The following NRXN1 variants were observed in gnomAD, a reference collection of about 807,000 sequenced individuals.
NRXN1 encodes neurexin-1.
In NRXN1, 39 loss-of-function variants were observed where a neutral mutation model predicts 150.9. That is an observed-to-expected ratio of 0.26 (90% confidence interval 0.20 to 0.34). NRXN1 has a LOEUF of 0.34. NRXN1 is among the 10% of genes least tolerant of loss of function. The pLI is 1.00. For missense variants in NRXN1, 1,815 were observed against 1,949.9 expected (o/e 0.93, Z 1.30); for synonymous variants, 924 against 757.0 (o/e 1.22, Z -3.62).
intron 21 of NRXN1, among the ~76,000 whole-genome samples, chr2:50,019,577 G>A (rs1687175413): frequency 7.1e-6 from 1 of 140,352 alleles, no homozygotes; most frequent in Admixed American, 7.4e-5. Flanking sequence ...GGGAGGCTGA[G>A]GTTGCAGTGA....
intron 5 of NRXN1, among the ~76,000 whole-genome samples, chr2:50,905,280 T>C (rs955427088): frequency 1.4e-4 from 22 of 152,080 alleles, no homozygotes; most frequent in African/African-American, 5.3e-4. Context: ...TCCCCAACCC[T>C]CTGACACACA....
intron 22 of NRXN1, among the ~76,000 whole-genome samples, chr2:49,932,444 C>T (rs1259855108): frequency 1.3e-5 from 2 of 152,056 alleles, no homozygotes; most frequent in African/African-American, 4.8e-5. Context: ...TTCTTCTTAT[C>T]CTTTCCTTTC....
Position 50,219,814 on chromosome 2 carries a change from G to A in NRXN1, c.3546+16975C>T, listed in dbSNP as rs547021648. Among the ~76,000 whole-genome samples the A allele has an allele frequency of 5.4e-5, 8 of 147,824 alleles. No homozygotes were observed. The South Asian group carries it at 1.1e-3, about 20-fold the overall frequency. ...AAGGCGAGAAGATTGCTTGAGCCTC[G>A]GGAGTGTCGAGGCTTCAGTGAGCTA... On this transcript the variant is annotated intron_variant, in intron 18 of 22. Transcript: ENST00000401669.
intron 18 of NRXN1, among the ~76,000 whole-genome samples, chr2:50,117,748 C>A (rs1363807892): frequency 1.3e-5 from 2 of 150,056 alleles, no homozygotes; most frequent in Non-Finnish European, 3.0e-5. Context: ...ATTCAGTGAG[C>A]CAAATCATAA....
chr2:50,247,162 G>T (rs1171808034), intron 17 of NRXN1, among the ~76,000 whole-genome samples: 1 of 152,006 alleles, frequency 6.6e-6, no homozygotes, highest in African/African-American at 2.4e-5. Context: ...CTCAGATAAG[G>T]ACACAGATTG....
chr2:50,735,214 A>G (rs1002033934), intron 5 of NRXN1, among the ~76,000 whole-genome samples: 4 of 151,684 alleles, frequency 2.6e-5, no homozygotes, highest in African/African-American at 9.8e-5. Context: ...CTCTCTGGAT[A>G]CCTTTATAAT....
intron 5 of NRXN1, among the ~76,000 whole-genome samples, chr2:50,799,089 ATCTATC>A: frequency 6.6e-6 from 1 of 152,354 alleles, no homozygotes; most frequent in East Asian, 1.9e-4. Context: ...TGTATCTACC[ATCTATC>A]TCAGTATCCT....
intron 5 of NRXN1, among the ~76,000 whole-genome samples, chr2:50,645,526 G>T (rs943610692): frequency 6.6e-6 from 1 of 151,846 alleles, no homozygotes; most frequent in Admixed American, 6.6e-5. Flanking sequence ...CTCCATGAAG[G>T]CAGGGACTTT....
intron 19 of NRXN1, among the ~76,000 whole-genome samples, chr2:50,059,568 C>A (rs780169945): frequency 6.6e-6 from 1 of 152,114 alleles, no homozygotes; most frequent in Non-Finnish European, 1.5e-5. Flanking sequence ...AGGTTAACTG[C>A]CAGGACAACG....
intron 17 of NRXN1, among the ~76,000 whole-genome samples, chr2:50,449,404 T>A (rs2086755353): frequency 6.6e-6 from 1 of 152,240 alleles, no homozygotes; most frequent in Non-Finnish European, 1.5e-5. Flanking sequence ...TTCCCTCATT[T>A]CCTTAAGTCG....
intron 2 of NRXN1, among the ~76,000 whole-genome samples, chr2:51,013,120 A>T (rs894799361): frequency 3.9e-5 from 6 of 152,056 alleles, no homozygotes; most frequent in Non-Finnish European, 5.9e-5. Context: ...GATACCCTGG[A>T]GATGGCAAAG....
chr2:50,825,662 G>A (rs1393371261), intron 5 of NRXN1, among the ~76,000 whole-genome samples: 1 of 152,168 alleles, frequency 6.6e-6, no homozygotes, highest in East Asian at 1.9e-4. Context: ...CAAGCCAAAT[G>A]TAAAGTATTA....
Position 50,752,389 on chromosome 2 carries a change from T to C in NRXN1, c.833-128774A>G, listed in dbSNP as rs116382994. Among the ~76,000 whole-genome samples the C allele has an allele frequency of 6.0e-3, 916 of 152,018 alleles. 7 individuals carry two copies. Among genetic ancestry groups the C allele is most frequent in the African/African-American group, 0.02 (822 of 41,522 alleles). On this transcript the variant is annotated intron_variant, in intron 5 of 22. Coordinates refer to ENST00000401669, the MANE Select transcript of NRXN1 (RefSeq NM_001330078.2). ...TATTTAACATATAAACATGTGCTCATTGAGAAAAATGATGTCTGGACAACT... is the reference window on the plus strand; with the variant it reads ...TATTTAACATATAAACATGTGCTCACTGAGAAAAATGATGTCTGGACAACT...
intron 2 of NRXN1, among the ~76,000 whole-genome samples, chr2:51,026,730 T>C (rs1176195938): frequency 2.0e-5 from 3 of 152,216 alleles, no homozygotes; most frequent in Non-Finnish European, 2.9e-5. Flanking sequence ...TAAGAAATCT[T>C]ATTTAATCTC....
intron 2 of NRXN1, among the ~76,000 whole-genome samples, chr2:50,998,470 C>A (rs1699609619): frequency 6.6e-6 from 1 of 151,978 alleles, no homozygotes; most frequent in Non-Finnish European, 1.5e-5. Context: ...ATTCGCAAAT[C>A]ATATTGTTTT....
intron 8 of NRXN1, chr2:50,588,636 C>T (rs1673566620): frequency 6.6e-6 from 1 of 152,072 alleles, no homozygotes; most frequent in Non-Finnish European, 1.5e-5. Context: ...CCTATTTTCT[C>T]TGAGTCTTAA....
intron 1 of NRXN1, among the ~76,000 whole-genome samples, chr2:51,029,785 A>T (rs530593762): frequency 6.6e-6 from 1 of 152,344 alleles, no homozygotes; most frequent in Non-Finnish European, 1.5e-5. Flanking sequence ...TTGTAAAAGA[A>T]AACCACTAAT....
chr2:50,078,610 C>T (rs1234445449), intron 19 of NRXN1, among the ~76,000 whole-genome samples: 1 of 152,044 alleles, frequency 6.6e-6, no homozygotes, highest in Non-Finnish European at 1.5e-5. Flanking sequence ...TTTCCTTTGT[C>T]CCTTCAGATG....
chr2:50,083,275 A>T (rs1306474541), intron 19 of NRXN1, among the ~76,000 whole-genome samples: 1 of 152,226 alleles, frequency 6.6e-6, no homozygotes, highest in East Asian at 1.9e-4. Flanking sequence ...TTGATATAAT[A>T]TCCTTTACTT....
Sources: gnomAD v4.1 joint callset for allele counts (sites outside exome capture counted in the v4.1 genomes callset) on GRCh38, gnomAD v4.1.1 for gene constraint, MANE v1.5 for transcripts, NCBI Gene and HGNC (gene_info 2026-07-23, HGNC 2026-07-21) for gene names.